The following AGPS variants were observed in gnomAD, a reference collection of about 807,000 sequenced individuals.
AGPS encodes alkylglycerone phosphate synthase.
AGPS carries 26 observed loss-of-function variants against 90.7 expected under a neutral mutation model. The ratio of observed to expected loss-of-function variants is 0.29; its 90% CI spans 0.21 to 0.40. AGPS has a LOEUF of 0.40. AGPS is among the 10% of genes least tolerant of loss of function. The pLI is 1.00. For synonymous variants in AGPS, 294 were observed against 285.3 expected, an observed-to-expected ratio of 1.03 and a Z score of -0.31; for missense variants, 540 against 816.1, an observed-to-expected ratio of 0.66 and a Z score of 4.12.
chr2:177,483,996 C>T (rs1303614530), intron 11 of AGPS, among the ~76,000 whole-genome samples: 2 of 116,712 alleles, frequency 1.7e-5, no homozygotes, highest in Non-Finnish European at 3.4e-5. Context: ...CATAAAAGAA[C>T]AGGAAGCTAG....
chr2:177,507,718 C>T (rs535283249), intron 15 of AGPS, among the ~76,000 whole-genome samples: 1 of 152,332 alleles, frequency 6.6e-6, no homozygotes, highest in East Asian at 1.9e-4. Context: ...AATTTGAGTT[C>T]TTGCCCTGAG....
chr2:177,440,207 A>G (rs1451497877), intron 5 of AGPS, among the ~76,000 whole-genome samples: 1 of 152,074 alleles, frequency 6.6e-6, no homozygotes, highest in Non-Finnish European at 1.5e-5. Context: ...AATAATAGGT[A>G]TTTGAACAAT....
intron 8 of AGPS, among the ~76,000 whole-genome samples, chr2:177,447,020 A>G (rs1167599396): frequency 6.6e-6 from 1 of 152,204 alleles, no homozygotes; most frequent in Non-Finnish European, 1.5e-5. Flanking sequence ...CCTCAAACAT[A>G]ATCAAGATAA....
At chr2:177,536,965 T>A (rs2079189649) in intron 19 of AGPS, among the ~76,000 whole-genome samples, 1 of 152,186 alleles carries the variant, frequency 6.6e-6, no homozygotes, top group African/African-American at 2.4e-5. Flanking sequence ...ACAGGCTGAA[T>A]ACTTTAATGA....
chr2:177,459,508 G>T (rs1687222885), intron 8 of AGPS, among the ~76,000 whole-genome samples: 1 of 152,056 alleles, frequency 6.6e-6, no homozygotes, highest in African/African-American at 2.4e-5. Context: ...ATGGGCAAAG[G>T]ATATGAACAG....
intron 1 of AGPS, among the ~76,000 whole-genome samples, chr2:177,401,171 T>C (rs1427008408): frequency 5.3e-5 from 8 of 152,214 alleles, no homozygotes; most frequent in African/African-American, 1.9e-4. Context: ...GCTAGTGATA[T>C]ACCGTGCTGG....
At chr2:177,505,821 C>G (rs576261092) in intron 15 of AGPS, among the ~76,000 whole-genome samples, 3 of 151,946 alleles carry the variant, frequency 2.0e-5, no homozygotes, top group Non-Finnish European at 4.4e-5. Flanking sequence ...AAGAATGGAG[C>G]CTTTCTCTGT....
At chr2:177,490,028 C>CT (rs1279401908) in intron 11 of AGPS, among the ~76,000 whole-genome samples, 1 of 152,136 alleles carries the variant, frequency 6.6e-6, no homozygotes, top group African/African-American at 2.4e-5. Context: ...CTGTCTCTGA[C>CT]TTTTGAAGGC....
intron 10 of AGPS, among the ~76,000 whole-genome samples, chr2:177,477,062 A>C (rs886155800): frequency 4.6e-5 from 7 of 151,070 alleles, no homozygotes; most frequent in Admixed American, 2.6e-4. Context: ...TGTAGATGGC[A>C]AATAGTTGGA....
intron 19 of AGPS, 25 bp downstream of exon 19, chr2:177,523,830 T>C (rs765885658): frequency 1.3e-6 from 2 of 1,580,676 alleles, no homozygotes; most frequent in South Asian, 2.2e-5. Flanking sequence ...GAGTAGAATT[T>C]CTAATATTCT....
At chr2:177,489,887 C>A (rs1216741078) in intron 11 of AGPS, among the ~76,000 whole-genome samples, 1 of 152,172 alleles carries the variant, frequency 6.6e-6, no homozygotes, top group African/African-American at 2.4e-5. Context: ...TAGTTTTGAT[C>A]GCTTACCAGC....
intron 8 of AGPS, among the ~76,000 whole-genome samples, chr2:177,453,296 A>G (rs1272297138): frequency 6.8e-6 from 1 of 147,108 alleles, no homozygotes; most frequent in Non-Finnish European, 1.5e-5. Context: ...TGAGACAGAG[A>G]GTTTCACTCT....
In AGPS at chr2:177,534,381, T is replaced by A. The variant is rs141037405; in HGVS notation, c.1856-3693T>A. Reference sequence around the variant, plus strand: ...AGTGAGCCTGTAATTTGAAAAACTGTACTTGAAAGTTTTCATATTCTCTGT... The same window carrying A: ...AGTGAGCCTGTAATTTGAAAAACTGAACTTGAAAGTTTTCATATTCTCTGT... On this transcript the variant is annotated intron_variant, in intron 19 of 19. Coordinates refer to ENST00000264167, the MANE Select transcript of AGPS (RefSeq NM_003659.4). Among the ~76,000 whole-genome samples the A allele has an allele frequency of 6.4e-4, 97 of 152,298 alleles. No homozygotes were observed. The East Asian group carries it at 0.018, about 28-fold the overall frequency.
At chr2:177,450,190 C>T (rs1686897545) in intron 8 of AGPS, among the ~76,000 whole-genome samples, 2 of 152,056 alleles carry the variant, frequency 1.3e-5, no homozygotes, top group Admixed American at 1.3e-4. Flanking sequence ...TTTTGGAATT[C>T]TTTATTTATT....
At chr2:177,492,050 T>C (rs1688279431) in intron 11 of AGPS, among the ~76,000 whole-genome samples, 1 of 152,128 alleles carries the variant, frequency 6.6e-6, no homozygotes, top group South Asian at 2.1e-4. Flanking sequence ...CCTCACAAAG[T>C]GCTAGGATTG....
intron 6 of AGPS, 56 bp from the exon 7 acceptor site, chr2:177,442,351 A>G (rs1686633247): frequency 7.4e-7 from 1 of 1,344,710 alleles, no homozygotes. Flanking sequence ...TGCCATAGAA[A>G]TATAGCTAAA....
At chr2:177,427,759 C>G (rs1256100192) in intron 2 of AGPS, among the ~76,000 whole-genome samples, 2 of 151,976 alleles carry the variant, frequency 1.3e-5, no homozygotes, top group African/African-American at 4.8e-5. Context: ...ATTACGTGAT[C>G]AATTTTAGAG....
At chr2:177,416,862 A>G (rs1685801517) in intron 1 of AGPS, among the ~76,000 whole-genome samples, 1 of 152,104 alleles carries the variant, frequency 6.6e-6, no homozygotes, top group Non-Finnish European at 1.5e-5. Flanking sequence ...TAAATTTGGT[A>G]TAGTTAGCTC....
intron 3 of AGPS, among the ~76,000 whole-genome samples, 177 bp downstream of exon 3, chr2:177,434,594 C>T (rs1219389867): frequency 6.6e-6 from 1 of 152,122 alleles, no homozygotes; most frequent in Non-Finnish European, 1.5e-5. Flanking sequence ...TTCATTGTCA[C>T]AGATATAGAC....
Sources: allele counts gnomAD v4.1 joint callset (sites outside exome capture counted in the v4.1 genomes callset), GRCh38; gene constraint gnomAD v4.1.1; transcripts MANE v1.5; gene names NCBI Gene and HGNC (gene_info 2026-07-23, HGNC 2026-07-21).